Variants in STXBP2 observed in about 807,000 individuals in gnomAD.
The protein encoded by STXBP2 is syntaxin-binding protein 2.
A neutral mutation model predicts 72.2 loss-of-function variants in STXBP2; 47 were observed. That is an observed-to-expected ratio of 0.65 (90% CI 0.51 to 0.83). The LOEUF (loss-of-function observed/expected upper bound fraction) is 0.83. STXBP2 is among the 40% of genes least tolerant of loss of function. The probability of loss-of-function intolerance (pLI) is 0.00; values close to 1 mark genes in which losing one functional copy is unlikely to be tolerated. For synonymous variants in STXBP2, 367 were observed against 338.7 expected (o/e 1.08, Z -0.92); for missense variants, 702 against 807.6 (o/e 0.87, Z 1.58).
chr19:7,632,334 C>A, upstream of STXBP2: 1 of 1,601,172 alleles, frequency 6.2e-7, no homozygotes, highest in Non-Finnish European at 8.5e-7. The surrounding 1 kb of genome is among the most constrained non-coding windows in gnomAD (Gnocchi z 5.2). Context: ...GGGTGGAGGG[C>A]AGGATCGGAG....
upstream of STXBP2, among the ~76,000 whole-genome samples, chr19:7,635,043 C>A (rs77152187): frequency 9.4e-3 from 1,429 of 152,344 alleles, 24 homozygotes; most frequent in African/African-American, 0.031. Flanking sequence ...AATATCTATA[C>A]TAACCCCATT....
upstream of STXBP2, among the ~76,000 whole-genome samples, chr19:7,635,245 A>G (rs2031481572): frequency 6.6e-6 from 1 of 152,180 alleles, no homozygotes; most frequent in African/African-American, 2.4e-5. Flanking sequence ...AACTCTTGAG[A>G]AGACAAAACC....
At position 7,647,390 on chromosome 19, in the gene STXBP2, C is replaced by A; in HGVS notation, c.1575C>A (p.Gly525=). 1 of 1,613,478 alleles carries A rather than the reference C, an allele frequency of 6.2e-7. No individual in the cohort carries two copies. Among genetic ancestry groups the A allele is most frequent in the Non-Finnish European group, 8.5e-7 (1 of 1,179,972 alleles). ...RFGHWHKNKA[G]IEARAGPRLI... Reference sequence around the variant, plus strand: ...GTCACTGGCACAAGAACAAGGCTGGCATAGAAGCCCGGGCGGGCCCCCGGC... The same window carrying A: ...GTCACTGGCACAAGAACAAGGCTGGAATAGAAGCCCGGGCGGGCCCCCGGC... Residue 525 remains glycine (G), a synonymous_variant, in exon 18 of 19, where the codon GGC becomes GGA. Transcript: ENST00000221283.
rs964266844 is a variant in STXBP2 at position 7,640,442 on chromosome 19, ATG to A, written c.247-283_247-282del. On this transcript the variant is annotated intron_variant, in intron 4 of 18. Coordinates refer to ENST00000221283, the MANE Select transcript of STXBP2 (RefSeq NM_006949.4). Reference sequence around the variant, plus strand: ...TGTGCGCGCGCATCTGTGTGTGTGCATGTGTGTATGTATGTGTGTGCATCTCT... The same window carrying A: ...TGTGCGCGCGCATCTGTGTGTGTGCATGTGTATGTATGTGTGTGCATCTCT... 82 of 601,832 alleles carry A rather than the reference ATG, an allele frequency of 1.4e-4. No homozygotes were observed. In the Admixed American group the frequency reaches 1.8e-3, roughly 13 times the overall value. The allele number at this position is 601,832 out of a possible 1,614,324, so 37.3% of individuals were successfully genotyped here. A position where few individuals can be genotyped will look rare whatever the true frequency, so the allele number is the denominator to read the frequency against.
chr19:7,631,700 G>A, the STXBP2 span: 1 of 1,455,426 alleles, frequency 6.9e-7, no homozygotes, highest in Non-Finnish European at 9.1e-7. Flanking sequence ...CAGGGGGCTT[G>A]TGTCGGGGGC....
chr19:7,646,484 C>T lies in STXBP2; in HGVS notation c.1452+140C>T, dbSNP rs1424306779. On this transcript the variant is annotated intron_variant, in intron 16 of 18. Coordinates refer to ENST00000221283, the MANE Select transcript of STXBP2 (RefSeq NM_006949.4). Reference sequence around the variant, plus strand: ...ATTCCCTTGGCACCGATCTGCTCTGCTGAGGGGGGCACGCCAAGCCCGCAG... The same window carrying T: ...ATTCCCTTGGCACCGATCTGCTCTGTTGAGGGGGGCACGCCAAGCCCGCAG... The T allele has an allele frequency of 5.9e-6, 5 of 843,718 alleles. No individual in the cohort carries two copies. The African/African-American group carries it at 8.4e-5, about 14-fold the overall frequency. The allele number at this position is 843,718 out of a possible 1,614,324, so 52.3% of individuals were successfully genotyped here.
rs543839901 is a variant in STXBP2, at chr19:7,642,474, G to T, written c.840G>T (p.Leu280Phe). The part of the protein sequence containing the change: ...GLSEAREKAV[L>F]LDEDDDLWVE... ...GCGAGGCGCGGGAGAAGGCCGTCTT[G>T]CTGGACGAGGACGATGACTTGTGGG... The change falls in exon 10 of 19, where the codon TTG (leucine) becomes TTT (phenylalanine). Residue 280 changes from leucine to phenylalanine, a missense_variant. Physicochemically the swap from Leu to Phe is conservative, Grantham distance 22. Coordinates refer to ENST00000221283, the MANE Select transcript of STXBP2 (RefSeq NM_006949.4). This position sits in a 1 kb window ranked among gnomAD's most constrained non-coding sequence, Gnocchi z 6.0. 7.4e-6 allele frequency: 12 copies of T among 1,614,048 alleles called. No individual in the cohort carries two copies. The South Asian group carries it at 1.1e-4, about 15-fold the overall frequency.
chr19:7,632,761 G>A (rs2031378244), upstream of STXBP2: 1 of 1,568,840 alleles, frequency 6.4e-7, no homozygotes, highest in Middle Eastern at 1.7e-4. This position sits in a 1 kb window ranked among gnomAD's most constrained non-coding sequence, Gnocchi z 5.2. Flanking sequence ...GAACAGCGCT[G>A]TCCCTCCATC....
In STXBP2 at chr19:7,647,242, T is replaced by A; in HGVS notation, c.1533T>A (p.Ala511=). The A allele has an allele frequency of 1.2e-6, 2 of 1,611,198 alleles. No individual in the cohort carries two copies. Among genetic ancestry groups the A allele is most frequent in the Non-Finnish European group, 1.7e-6 (2 of 1,179,516 alleles). ...CCCCCACGGCCAGCTCCCAGGCCGCTGTCAGGTGAGGCCCCGGGGCCGCCC... is the reference window on the plus strand; with the variant it reads ...CCCCCACGGCCAGCTCCCAGGCCGCAGTCAGGTGAGGCCCCGGGGCCGCCC... ...DPAPTASSQA[A]VSARFGHWHK... The change falls in exon 17 of 19, where the codon GCT becomes GCA. Residue 511 remains alanine (A), a synonymous_variant. Coordinates refer to ENST00000221283, the MANE Select transcript of STXBP2 (RefSeq NM_006949.4).
chr19:7,647,095 G>T (rs984645417), intron 16 of STXBP2, 67 bp from the exon 17 acceptor site: 3 of 1,539,652 alleles, frequency 1.9e-6, no homozygotes, highest in Admixed American at 1.7e-5. Context: ...AATACCCCGT[G>T]GGGGGCACTC....
chr19:7,646,504 C>A, intron 16 of STXBP2, 160 bp downstream of exon 16: 1 of 749,840 alleles, frequency 1.3e-6, no homozygotes, highest in East Asian at 2.7e-5. Context: ...CACGCCAAGC[C>A]CGCAGCTGAG....
chr19:7,637,800 G>A (rs758317946), intron 1 of STXBP2, among the ~76,000 whole-genome samples: 8 of 152,192 alleles, frequency 5.3e-5, no homozygotes, highest in African/African-American at 1.2e-4. Context: ...TGGCCGTCTT[G>A]ATAACAGTGG....
upstream of STXBP2, among the ~76,000 whole-genome samples, chr19:7,635,629 G>A (rs577416392): frequency 6.6e-6 from 1 of 152,292 alleles, no homozygotes; most frequent in African/African-American, 2.4e-5. Context: ...TCAGGAAGTC[G>A]AGGCTGCAGT....
rs1427932580 is a variant in STXBP2 at position 7,642,281 on chromosome 19, A to T, written c.742A>T (p.Thr248Ser). 1 of 1,614,110 alleles carries T rather than the reference A, an allele frequency of 6.2e-7. No homozygotes were observed. Among genetic ancestry groups the T allele is most frequent in the South Asian group, 1.1e-5 (1 of 91,084 alleles). The change falls in exon 9 of 19, where the codon ACG becomes TCG. Residue 248 changes from threonine to serine, a missense_variant. By Grantham distance (58) the Thr-to-Ser change is moderately conservative (BLOSUM62 1). Coordinates refer to ENST00000221283, the MANE Select transcript of STXBP2 (RefSeq NM_006949.4). This position sits in a 1 kb window ranked among gnomAD's most constrained non-coding sequence, Gnocchi z 6.0. ...CGTGTCCCCACTACTGCATGAGCTC[A>T]CGTTCCAGGCCATGGCGTATGATCT... is the stretch of plus-strand genomic sequence containing the variant. ...DPVSPLLHEL[T>S]FQAMAYDLLD...
intron 13 of STXBP2, chr19:7,644,343 A>T (rs935232294): frequency 6.1e-6 from 3 of 495,758 alleles, no homozygotes; most frequent in Non-Finnish European, 1.1e-5. Flanking sequence ...GACCTGGGTG[A>T]GGGGTGGAGC....
chr19:7,632,135 TCC>T, upstream of STXBP2: 1 of 600,552 alleles, frequency 1.7e-6, no homozygotes, highest in Non-Finnish European at 2.8e-6. The surrounding 1 kb of genome is among the most constrained non-coding windows in gnomAD (Gnocchi z 5.2). Context: ...TCCTATTTTC[TCC>T]CTTTGGCCTC....
At chr19:7,636,974 C>A, upstream of STXBP2, 1 of 622,782 alleles carries the variant, frequency 1.6e-6, no homozygotes, top group Non-Finnish European at 2.3e-6. Flanking sequence ...ACCTGCCCGT[C>A]CTCCCCGCCA....
chr19:7,632,736 G>T (rs763897776), upstream of STXBP2: 1 of 1,561,490 alleles, frequency 6.4e-7, no homozygotes. This position sits in a 1 kb window ranked among gnomAD's most constrained non-coding sequence, Gnocchi z 5.2. Context: ...GGTCTGGCCC[G>T]GCCCGGCTTG....
chr19:7,640,621 G>A (rs760331773), intron 4 of STXBP2, 110 bp from the exon 5 acceptor site: 104 of 1,396,682 alleles, frequency 7.4e-5, no homozygotes, highest in African/African-American at 3.4e-4. Context: ...ACATGTCCCC[G>A]TCCGTCCATG....
Sources: gnomAD v4.1 joint callset for allele counts (sites outside exome capture counted in the v4.1 genomes callset) on GRCh38, gnomAD v4.1.1 for gene constraint, Gnocchi (gnomAD v3.1) non-coding constraint, MANE v1.5 for transcripts, NCBI Gene and HGNC (gene_info 2026-07-23, HGNC 2026-07-21) for gene names.